NREP: variants seen among roughly 807,000 people sequenced by gnomAD.
NREP encodes the protein neuronal regeneration related protein.
Under a neutral mutation model 8.6 loss-of-function variants are expected in NREP, and 5 were observed. That is an observed-to-expected ratio of 0.58 (90% CI 0.30 to 1.22). The LOEUF is 1.22. Among genes scored for constraint, NREP ranks in the 50% most tolerant of loss-of-function variants. The probability of loss-of-function intolerance (pLI) is 0.07; values close to 1 mark genes in which losing one functional copy is unlikely to be tolerated. For synonymous variants in NREP, 27 were observed against 28.0 expected (o/e 0.96, Z 0.11); for missense variants, 86 against 82.5 (o/e 1.04, Z -0.17).
chr5:111,935,110 A>G (rs372424625), intron 2 of NREP, among the ~76,000 whole-genome samples: 10 of 152,090 alleles, frequency 6.6e-5, no homozygotes, highest in African/African-American at 2.4e-4. Flanking sequence ...TACTTTTGAA[A>G]ACTGGTAATT....
At chr5:111,789,922 G>C (rs1372513857) in intron 2 of NREP, among the ~76,000 whole-genome samples, 1 of 152,012 alleles carries the variant, frequency 6.6e-6, no homozygotes, top group East Asian at 1.9e-4. Context: ...AAGATTTGTA[G>C]ATTTGACATG....
intron 1 of NREP, chr5:111,976,638 C>A: frequency 7.7e-7 from 1 of 1,300,276 alleles, no homozygotes; most frequent in South Asian, 1.3e-5. Flanking sequence ...CAGAGACAAA[C>A]ATCCTATAAT....
chr5:111,976,377 T>C (rs1323199925), intron 1 of NREP, among the ~76,000 whole-genome samples: 1 of 152,190 alleles, frequency 6.6e-6, no homozygotes, highest in Non-Finnish European at 1.5e-5. Flanking sequence ...CTTTGCCATA[T>C]CCAATCCCTT....
chr5:111,835,787 A>G (rs2112941451), intron 2 of NREP, among the ~76,000 whole-genome samples: 1 of 152,062 alleles, frequency 6.6e-6, no homozygotes, highest in East Asian at 1.9e-4. Context: ...GGAGAGGCTG[A>G]AGATAGGGGG....
At chr5:111,791,446 T>C (rs1751744712) in intron 2 of NREP, among the ~76,000 whole-genome samples, 1 of 152,282 alleles carries the variant, frequency 6.6e-6, no homozygotes, top group East Asian at 1.9e-4. Flanking sequence ...TTGACAACAT[T>C]TGTGAGAAAC....
At chr5:111,800,103 A>AT (rs1251232842) in intron 2 of NREP, among the ~76,000 whole-genome samples, 12 of 113,714 alleles carry the variant, frequency 1.1e-4, no homozygotes, top group African/African-American at 3.4e-4. Flanking sequence ...TTTTTTTTGT[A>AT]TTTTTCAGTA....
chr5:111,787,067 C>T (rs915154672), intron 2 of NREP, among the ~76,000 whole-genome samples: 9 of 152,164 alleles, frequency 5.9e-5, no homozygotes, highest in Non-Finnish European at 1.2e-4. Context: ...AAAAAAGGAA[C>T]CAGCAGTAGC....
intron 2 of NREP, among the ~76,000 whole-genome samples, chr5:111,877,046 A>C (rs1199961178): frequency 6.6e-6 from 1 of 152,176 alleles, no homozygotes; most frequent in African/African-American, 2.4e-5. Context: ...CAGTACTGAA[A>C]TCACCTTCTT....
chr5:111,966,051 T>A (rs557492913), intron 2 of NREP, among the ~76,000 whole-genome samples: 2 of 152,170 alleles, frequency 1.3e-5, no homozygotes, highest in African/African-American at 4.8e-5. Context: ...AGATGCTGTA[T>A]CAGGGCAAGT....
intron 2 of NREP, among the ~76,000 whole-genome samples, chr5:111,863,306 A>G (rs1753593344): frequency 6.6e-6 from 1 of 152,146 alleles, no homozygotes; most frequent in Non-Finnish European, 1.5e-5. Flanking sequence ...TTCCATTCAC[A>G]GATTACACTG....
At chr5:111,888,603 G>A (rs1754319465) in intron 2 of NREP, among the ~76,000 whole-genome samples, 2 of 152,114 alleles carry the variant, frequency 1.3e-5, no homozygotes, top group Admixed American at 6.5e-5. Context: ...ATTTGGGTGG[G>A]GACATAGAGC....
rs910737924 is a variant in NREP, at chr5:111,741,937, A to T, written c.4-6430T>A. On this transcript the variant is annotated intron_variant, in intron 2 of 3. Transcript: ENST00000257435. ...CACCCAACTACTGCACTCTAGACTC[A>T]TAAATGCCCTCCTGCTAGAAAGGAA... Among the ~76,000 whole-genome samples, 4 of 152,126 alleles carry T rather than the reference A, an allele frequency of 2.6e-5. No individual in the cohort carries two copies. The East Asian group carries it at 7.7e-4, about 29-fold the overall frequency.
chr5:111,890,897 T>A (rs528355793), intron 2 of NREP, among the ~76,000 whole-genome samples: 38 of 152,350 alleles, frequency 2.5e-4, no homozygotes, highest in African/African-American at 8.4e-4. Flanking sequence ...GAGGCCTTTT[T>A]CCCATTATCT....
chr5:111,928,126 C>G (rs1391233598), intron 2 of NREP, among the ~76,000 whole-genome samples: 1 of 152,120 alleles, frequency 6.6e-6, no homozygotes, highest in African/African-American at 2.4e-5. Flanking sequence ...ACCCTGAGAT[C>G]ATATGGCATT....
intron 2 of NREP, among the ~76,000 whole-genome samples, chr5:111,834,359 C>T (rs1752844674): frequency 6.6e-6 from 1 of 152,140 alleles, no homozygotes; most frequent in Non-Finnish European, 1.5e-5. Context: ...TGTCATTGAT[C>T]TCTCTGATGC....
intron 2 of NREP, among the ~76,000 whole-genome samples, chr5:111,835,333 C>T (rs1177556290): frequency 6.6e-6 from 1 of 152,058 alleles, no homozygotes; most frequent in Non-Finnish European, 1.5e-5. Context: ...CTACCACAGC[C>T]AGCCAATAGG....
chr5:111,755,118 T>C (rs954711375), intron 2 of NREP, among the ~76,000 whole-genome samples: 6 of 152,224 alleles, frequency 3.9e-5, no homozygotes, highest in African/African-American at 1.4e-4. Context: ...TCTGTTTCCT[T>C]AATCAGTAAT....
chr5:111,950,617 G>A (rs905590092), intron 2 of NREP, among the ~76,000 whole-genome samples: 2 of 151,406 alleles, frequency 1.3e-5, no homozygotes, highest in Non-Finnish European at 2.9e-5. Context: ...GCAACCTACA[G>A]AATGGGAGAA....
intron 2 of NREP, among the ~76,000 whole-genome samples, chr5:111,934,901 C>T (rs1257417609): frequency 6.6e-6 from 1 of 151,610 alleles, no homozygotes; most frequent in Non-Finnish European, 1.5e-5. Flanking sequence ...GGAGAGCCCA[C>T]AGAGCCAGAT....
Sources: allele counts gnomAD v4.1 joint callset (sites outside exome capture counted in the v4.1 genomes callset), GRCh38; gene constraint gnomAD v4.1.1; transcripts MANE v1.5; gene names NCBI Gene and HGNC (gene_info 2026-07-23, HGNC 2026-07-21).